Variants in ME3 observed in about 807,000 individuals in gnomAD.
The protein encoded by ME3 is malic enzyme 3.
Under a neutral mutation model 68.9 loss-of-function variants are expected in ME3, and 48 were observed. That is an observed-to-expected ratio of 0.70 (90% CI 0.55 to 0.89). ME3 has a LOEUF of 0.89. ME3 is among the 40% of genes least tolerant of loss of function. ME3 has a pLI of 0.00. For synonymous variants in ME3, 320 were observed against 318.8 expected (o/e 1.00, Z -0.04); for missense variants, 675 against 797.4 (o/e 0.85, Z 1.85).
intron 3 of ME3, among the ~76,000 whole-genome samples, chr11:86,557,165 G>A (rs1305767063): frequency 6.6e-6 from 1 of 152,104 alleles, no homozygotes; most frequent in African/African-American, 2.4e-5. Flanking sequence ...CTGGAGGTGG[G>A]GTAGGGTCAA....
In ME3 at chr11:86,508,811, C is replaced by T; in HGVS notation, c.524G>A (p.Trp175Ter). The T allele has an allele frequency of 1.9e-6, 3 of 1,613,152 alleles. No homozygotes were observed. The highest frequency in any genetic ancestry group is 1.7e-6 in the Non-Finnish European group (2 of 1,179,196). Residue 175 changes from tryptophan to a stop codon, truncating the protein, a stop_gained, in exon 5 of 15, where the codon TGG becomes TAG. Transcript: ENST00000543262. LOFTEE classifies it high-confidence loss of function. ...TCATACCTTAATATTGTCTTCTGGC[C>T]AAGAATTCAGCATTGTTGCAAGATG...
intron 2 of ME3, among the ~76,000 whole-genome samples, chr11:86,566,090 T>G (rs1957468322): frequency 6.6e-6 from 1 of 152,198 alleles, no homozygotes; most frequent in Admixed American, 6.5e-5. Flanking sequence ...ACACTCAGCT[T>G]TCTCATGGGA....
chr11:86,563,845 A>G (rs1957354032), intron 2 of ME3, among the ~76,000 whole-genome samples: 1 of 152,166 alleles, frequency 6.6e-6, no homozygotes, highest in African/African-American at 2.4e-5. Context: ...TGTTTTGGTT[A>G]CTGTAGCTTT....
intron 4 of ME3, among the ~76,000 whole-genome samples, chr11:86,536,094 A>G (rs913142362): frequency 6.6e-6 from 1 of 152,156 alleles, no homozygotes; most frequent in East Asian, 1.9e-4. Context: ...GAGTCAGTGA[A>G]TTTCCTGAAT....
intron 2 of ME3, among the ~76,000 whole-genome samples, chr11:86,560,116 T>G (rs1329958156): frequency 6.6e-6 from 1 of 152,184 alleles, no homozygotes; most frequent in African/African-American, 2.4e-5. Context: ...AGTGATATGG[T>G]TTGTCTCTGT....
chr11:86,654,077 C>G (rs1945676490), intron 2 of ME3, among the ~76,000 whole-genome samples: 1 of 152,150 alleles, frequency 6.6e-6, no homozygotes, highest in African/African-American at 2.4e-5. Flanking sequence ...AGACCAATAA[C>G]AGGAGCTGAA....
intron 8 of ME3, 84 bp from the exon 9 acceptor site, chr11:86,450,482 T>C: frequency 8.7e-7 from 1 of 1,148,312 alleles, no homozygotes; most frequent in Non-Finnish European, 1.3e-6. Context: ...TCCCCACATC[T>C]GGGACTGTGG....
At chr11:86,627,615 T>C (rs926583297) in intron 2 of ME3, among the ~76,000 whole-genome samples, 2 of 152,210 alleles carry the variant, frequency 1.3e-5, no homozygotes, top group African/African-American at 4.8e-5. Context: ...GCAAGCACAG[T>C]CTTGGCAGCT....
intron 8 of ME3, chr11:86,462,701 C>T: frequency 2.6e-6 from 2 of 770,634 alleles, no homozygotes; most frequent in Non-Finnish European, 1.9e-6. Flanking sequence ...ATGGATAAGG[C>T]ATGGTTCTTG....
intron 2 of ME3, among the ~76,000 whole-genome samples, chr11:86,618,686 C>T (rs1011259769): frequency 6.6e-6 from 1 of 151,032 alleles, no homozygotes; most frequent in African/African-American, 2.4e-5. Flanking sequence ...GTGCTGTCCT[C>T]ATGATAGTAA....
intron 6 of ME3, among the ~76,000 whole-genome samples, chr11:86,489,731 C>T (rs1173121949): frequency 2.0e-5 from 3 of 152,128 alleles, no homozygotes; most frequent in African/African-American, 4.8e-5. Flanking sequence ...ACTCAGTCCT[C>T]GCTCCCTTCT....
intron 2 of ME3, among the ~76,000 whole-genome samples, chr11:86,637,002 A>T (rs56048600): frequency 0.095 from 14,409 of 152,260 alleles, 699 homozygotes; most frequent in South Asian, 0.13. Flanking sequence ...AAGTGCGTTA[A>T]GAATCTGTTT....
At chr11:86,667,064 G>C (rs532705959) in intron 2 of ME3, among the ~76,000 whole-genome samples, 1 of 152,316 alleles carries the variant, frequency 6.6e-6, no homozygotes, top group East Asian at 1.9e-4. Context: ...CTGCAGCACT[G>C]TCCTTCAAGC....
intron 2 of ME3, among the ~76,000 whole-genome samples, chr11:86,577,870 A>G (rs931266905): frequency 6.6e-6 from 1 of 152,220 alleles, no homozygotes; most frequent in Non-Finnish European, 1.5e-5. Context: ...GGAAATATCT[A>G]GGCTTAGATG....
At chr11:86,653,242 G>A (rs1027421822) in intron 2 of ME3, among the ~76,000 whole-genome samples, 2 of 152,128 alleles carry the variant, frequency 1.3e-5, no homozygotes, top group African/African-American at 4.8e-5. Flanking sequence ...ACACCAAGCA[G>A]ACCTAATAGA....
At chr11:86,460,868 C>T (rs1950193233) in intron 8 of ME3, among the ~76,000 whole-genome samples, 1 of 152,238 alleles carries the variant, frequency 6.6e-6, no homozygotes. Context: ...GCTCATTAGT[C>T]CTGGAATTCC....
chr11:86,631,828 G>T (rs1476512583), intron 2 of ME3, among the ~76,000 whole-genome samples: 1 of 152,146 alleles, frequency 6.6e-6, no homozygotes, highest in South Asian at 2.1e-4. Context: ...CGCCTCTCGG[G>T]TTCAAGCAAT....
intron 6 of ME3, among the ~76,000 whole-genome samples, chr11:86,492,674 TCTC>T (rs1952073848): frequency 6.6e-6 from 1 of 152,216 alleles, no homozygotes; most frequent in Non-Finnish European, 1.5e-5. Context: ...AGCAGAACTT[TCTC>T]CTCTGCTGTG....
chr11:86,553,560 C>T (rs1056702312), intron 4 of ME3, among the ~76,000 whole-genome samples: 2 of 152,182 alleles, frequency 1.3e-5, no homozygotes, highest in African/African-American at 4.8e-5. Context: ...AAATGGAAAC[C>T]TAGAGCAACA....
Sources: allele counts gnomAD v4.1 joint callset (sites outside exome capture counted in the v4.1 genomes callset), GRCh38; gene constraint gnomAD v4.1.1; transcripts MANE v1.5; gene names NCBI Gene and HGNC (gene_info 2026-07-23, HGNC 2026-07-21).